The following SLC16A9 variants were observed in gnomAD, a reference collection of about 807,000 sequenced individuals.
SLC16A9 encodes the protein monocarboxylate transporter 9.
A neutral mutation model predicts 44.3 loss-of-function variants in SLC16A9; 26 were observed. The ratio of observed to expected loss-of-function variants is 0.59; its 90% CI spans 0.43 to 0.81. The LOEUF is 0.81. Among genes scored for constraint, SLC16A9 ranks in the 40% least tolerant of loss-of-function variants. SLC16A9 has a pLI of 0.00. For missense variants in SLC16A9, 559 were observed against 595.8 expected, an observed-to-expected ratio of 0.94 and a Z score of 0.64; for synonymous variants, 230 against 225.1, an observed-to-expected ratio of 1.02 and a Z score of -0.19.
In SLC16A9 at chr10:59,652,082, A is replaced by T. The variant is rs1024129705; in HGVS notation, c.*690T>A. 1 of 152,204 alleles carries T rather than the reference A, an allele frequency of 6.6e-6. No individual in the cohort carries two copies. The highest frequency in any genetic ancestry group is 2.4e-5 in the African/African-American group (1 of 41,448). 9.4% of individuals were successfully genotyped at this position (152,204 alleles called of 1,614,324 possible). On this transcript the variant is annotated 3_prime_UTR_variant, in exon 6 of 6. Transcript: ENST00000395348. ...GAAAGTCTACAGTGACTACTTCTCC[A>T]TTTGGAGTTCACCCACATCTCAGCA...
Position 59,672,921 on chromosome 10 carries a change from A to G in SLC16A9, c.197-8T>C. 1.3e-6 allele frequency: 2 copies of G among 1,597,294 alleles called. No homozygotes were observed. The highest frequency in any genetic ancestry group is 1.7e-6 in the Non-Finnish European group (2 of 1,175,312). On this transcript the variant is annotated splice_region_variant and splice_polypyrimidine_tract_variant and intron_variant, in intron 2 of 5. Transcript: ENST00000395348. ...AGAGACTGCAGACAGGACCTAAAAA[A>G]AGAAATGAAACCTTCACTTATTATC...
intron 4 of SLC16A9, among the ~76,000 whole-genome samples, chr10:59,662,442 A>G (rs1467109131): frequency 6.6e-6 from 1 of 151,790 alleles, no homozygotes; most frequent in Admixed American, 6.6e-5. Flanking sequence ...CAAGACCTCC[A>G]TGGCCAATGT....
intron 1 of SLC16A9, among the ~76,000 whole-genome samples, chr10:59,707,621 G>A (rs1405347807): frequency 6.7e-6 from 1 of 149,680 alleles, no homozygotes; most frequent in African/African-American, 2.5e-5. Flanking sequence ...AAAATGTGAC[G>A]TAATACATAT....
intron 1 of SLC16A9, among the ~76,000 whole-genome samples, chr10:59,689,339 T>C (rs2132508600): frequency 6.6e-6 from 1 of 152,300 alleles, no homozygotes; most frequent in South Asian, 2.1e-4. Flanking sequence ...AGCCTTCATT[T>C]CTCCTTTTTT....
intron 1 of SLC16A9, among the ~76,000 whole-genome samples, chr10:59,693,395 C>CA (rs545492176): frequency 2.0e-5 from 3 of 151,418 alleles, no homozygotes; most frequent in East Asian, 1.9e-4. Flanking sequence ...CTTCTAAAGT[C>CA]AAAAAAATAT....
chr10:59,672,651 A>G (rs1839775554), intron 3 of SLC16A9, 119 bp downstream of exon 3: 2 of 1,038,026 alleles, frequency 1.9e-6, no homozygotes, highest in Non-Finnish European at 1.4e-6. Context: ...TGGTTATTGA[A>G]AGTAAATTAT....
chr10:59,696,774 G>C (rs890649799), intron 1 of SLC16A9, among the ~76,000 whole-genome samples: 1 of 151,634 alleles, frequency 6.6e-6, no homozygotes, highest in African/African-American at 2.4e-5. Context: ...GAAGTGAGGA[G>C]ACCCTCTGCC....
chr10:59,693,681 G>T (rs1415712163), intron 1 of SLC16A9, among the ~76,000 whole-genome samples: 1 of 151,968 alleles, frequency 6.6e-6, no homozygotes, highest in Non-Finnish European at 1.5e-5. Context: ...GTGCAGTGGC[G>T]TGATCTCGGC....
At chr10:59,699,103 G>A (rs984565654) in intron 1 of SLC16A9, among the ~76,000 whole-genome samples, 3 of 152,210 alleles carry the variant, frequency 2.0e-5, no homozygotes, top group African/African-American at 7.2e-5. Context: ...CCCCAATTCT[G>A]CTTTATCCGC....
chr10:59,672,851 A>G lies in SLC16A9; in HGVS notation c.259T>C (p.Phe87Leu). The G allele has an allele frequency of 6.2e-7, 1 of 1,613,860 alleles. No individual in the cohort carries two copies. Among genetic ancestry groups the G allele is most frequent in the South Asian group, 1.1e-5 (1 of 91,038 alleles). The change falls in exon 3 of 6, where the codon TTC (phenylalanine) becomes CTC (leucine). Residue 87 changes from phenylalanine to leucine, a missense_variant. Transcript: ENST00000395348. ...GARPVTIFSG[F>L]MVAGGLMLSS... is the part of the protein sequence containing the mutation. ...AACATCAGGCCTCCAGCCACCATGA[A>G]GCCACTGAAGATTGTGACAGGTCTT...
intron 1 of SLC16A9, among the ~76,000 whole-genome samples, chr10:59,705,450 A>G (rs1840616645): frequency 6.6e-6 from 1 of 152,164 alleles, no homozygotes; most frequent in South Asian, 2.1e-4. Context: ...TCAGTCTAAG[A>G]TCAAAATAAT....
chr10:59,692,834 A>AT (rs1465308466), intron 1 of SLC16A9, among the ~76,000 whole-genome samples: 1 of 152,070 alleles, frequency 6.6e-6, no homozygotes, highest in Admixed American at 6.5e-5. Context: ...AAACAAAAAA[A>AT]TGTAGGTAAA....
chr10:59,669,468 G>C (rs933091876), intron 3 of SLC16A9, among the ~76,000 whole-genome samples: 3 of 152,176 alleles, frequency 2.0e-5, no homozygotes, highest in African/African-American at 4.8e-5. Context: ...GCATAACTCA[G>C]CAAACCAATA....
chr10:59,700,289 C>A (rs1840494489), intron 1 of SLC16A9, among the ~76,000 whole-genome samples: 1 of 152,112 alleles, frequency 6.6e-6, no homozygotes, highest in Admixed American at 6.5e-5. Context: ...ATTAGGGTAC[C>A]TGTTGGTAGA....
intron 1 of SLC16A9, among the ~76,000 whole-genome samples, chr10:59,707,331 AGGGAG>A (rs1564716900): frequency 6.9e-4 from 49 of 71,226 alleles, no homozygotes; most frequent in African/African-American, 2.3e-3. Context: ...AGGGAAGGGA[AGGGAG>A]GGGAAGGGAG....
At chr10:59,668,871 T>C (rs1588970358) in intron 3 of SLC16A9, among the ~76,000 whole-genome samples, 1 of 151,820 alleles carries the variant, frequency 6.6e-6, no homozygotes, top group East Asian at 2.0e-4. Context: ...ATATAACAAT[T>C]TTGAAAGGGG....
chr10:59,707,331 AGGGAGGGGAAGGGAG>A (rs1564716903), intron 1 of SLC16A9, among the ~76,000 whole-genome samples: 9 of 71,232 alleles, frequency 1.3e-4, no homozygotes, highest in African/African-American at 4.4e-4. Flanking sequence ...AGGGAAGGGA[AGGGAGGGGAAGGGAG>A]GGGAAGGGAA....
intron 1 of SLC16A9, among the ~76,000 whole-genome samples, chr10:59,687,094 G>A (rs1415706222): frequency 2.6e-5 from 4 of 152,212 alleles, no homozygotes; most frequent in East Asian, 1.9e-4. Context: ...TAGTAGAGAC[G>A]GGGTTTCACC....
chr10:59,673,741 A>G (rs774249204), intron 2 of SLC16A9, among the ~76,000 whole-genome samples: 4 of 152,240 alleles, frequency 2.6e-5, no homozygotes, highest in Non-Finnish European at 5.9e-5. Context: ...CTAAAGCCGA[A>G]CACAGCACGC....
Sources: gnomAD v4.1 joint callset for allele counts (sites outside exome capture counted in the v4.1 genomes callset) on GRCh38, gnomAD v4.1.1 for gene constraint, MANE v1.5 for transcripts, NCBI Gene and HGNC (gene_info 2026-07-23, HGNC 2026-07-21) for gene names.